TTC7A: variants seen among roughly 807,000 people sequenced by gnomAD.
The protein encoded by TTC7A is tetratricopeptide repeat protein 7A.
TTC7A carries 110 observed loss-of-function variants against 103.7 expected under a neutral mutation model. That is an observed-to-expected ratio of 1.06 (90% CI 0.91 to 1.24). The LOEUF is 1.24. Ranked by LOEUF, TTC7A falls within the 50% of genes most tolerant of loss-of-function variation. The probability of loss-of-function intolerance (pLI) is 0.00; values close to 1 mark genes in which losing one functional copy is unlikely to be tolerated. For missense variants in TTC7A, 1,340 were observed against 1,116.3 expected, an observed-to-expected ratio of 1.20 and a Z score of -2.86; for synonymous variants, 521 against 467.9, an observed-to-expected ratio of 1.11 and a Z score of -1.47.
intron 6 of TTC7A, among the ~76,000 whole-genome samples, chr2:46,993,856 A>C (rs1004749658): frequency 6.6e-6 from 1 of 152,146 alleles, no homozygotes; most frequent in South Asian, 2.1e-4. Context: ...TTATGATCCT[A>C]ATAAACAGCA....
At chr2:47,012,348 G>T (rs1044207190) in intron 11 of TTC7A, among the ~76,000 whole-genome samples, 1 of 152,212 alleles carries the variant, frequency 6.6e-6, no homozygotes, top group African/African-American at 2.4e-5. Flanking sequence ...CCTCCCACAT[G>T]ATGGATATCA....
chr2:47,046,480 G>A (rs1046090386), intron 16 of TTC7A, 49 bp downstream of exon 16: 13 of 1,487,404 alleles, frequency 8.7e-6, no homozygotes, highest in African/African-American at 2.8e-5. Context: ...GGTTGCCAGG[G>A]CAACAATCCA....
intron 15 of TTC7A, among the ~76,000 whole-genome samples, chr2:47,036,259 A>G (rs1681093379): frequency 6.6e-6 from 1 of 152,222 alleles, no homozygotes; most frequent in South Asian, 2.1e-4. Flanking sequence ...TCACCAGGTC[A>G]GGGACAGTCT....
chr2:47,053,356 A>G (rs980047201), intron 18 of TTC7A, among the ~76,000 whole-genome samples: 1 of 152,112 alleles, frequency 6.6e-6, no homozygotes, highest in Admixed American at 6.5e-5. Flanking sequence ...AAGGGGCCGC[A>G]TGGAGCCCCA....
At chr2:46,970,885 G>A (rs531843859) in intron 3 of TTC7A, among the ~76,000 whole-genome samples, 1 of 152,232 alleles carries the variant, frequency 6.6e-6, no homozygotes, top group Non-Finnish European at 1.5e-5. Context: ...TGTTGAGCAA[G>A]GACCTTCATG....
At chr2:46,973,827 G>A (rs918146431) in intron 3 of TTC7A, among the ~76,000 whole-genome samples, 1 of 152,152 alleles carries the variant, frequency 6.6e-6, no homozygotes, top group East Asian at 1.9e-4. Context: ...CAAGGTTGCC[G>A]GCTTCTTCAG....
chr2:46,990,043 C>T (rs563663698), intron 5 of TTC7A, among the ~76,000 whole-genome samples: 1 of 152,308 alleles, frequency 6.6e-6, no homozygotes, highest in East Asian at 1.9e-4. Flanking sequence ...GTAGCAGGTG[C>T]CAGGACCTGC....
chr2:46,996,934 C>T (rs1676251814), intron 8 of TTC7A, among the ~76,000 whole-genome samples: 2 of 152,114 alleles, frequency 1.3e-5, no homozygotes, highest in African/African-American at 4.8e-5. Flanking sequence ...CTGGAATCAT[C>T]TGTCTGGAAA....
At position 46,941,605 on chromosome 2, in the gene TTC7A, G is replaced by A. The variant is rs370846366; in HGVS notation, c.64G>A (p.Ala22Thr). 9 of 1,556,642 alleles carry A rather than the reference G, an allele frequency of 5.8e-6. No homozygotes were observed. Among genetic ancestry groups the A allele is most frequent in the Non-Finnish European group, 7.8e-6 (9 of 1,150,802 alleles). Residue 22 changes from alanine to threonine, a missense_variant, in exon 1 of 20, where the codon GCC becomes ACC. Physicochemically the swap from Ala to Thr is moderately conservative, Grantham distance 58 (BLOSUM62 0). Coordinates refer to ENST00000319190, the MANE Select transcript of TTC7A (RefSeq NM_020458.4). The surrounding 1 kb of genome is among the most constrained non-coding windows in gnomAD (Gnocchi z 4.2). Reference protein sequence around the residue: ...KVESELERCRAEGHWDRMPEL... With the variant: ...KVESELERCRTEGHWDRMPEL... ...GGAGAGCGAGCTGGAGCGCTGCCGC[G>A]CCGAGGGCCACTGGGACCGCATGCC... is the stretch of plus-strand genomic sequence containing the variant.
chr2:47,041,582 A>G (rs537693048), intron 15 of TTC7A, among the ~76,000 whole-genome samples: 1 of 152,266 alleles, frequency 6.6e-6, no homozygotes, highest in Non-Finnish European at 1.5e-5. Flanking sequence ...CAGAAACTCC[A>G]TCTCTACTAA....
rs1205628179 is a variant in TTC7A, at chr2:47,007,093, C to T, written c.1287+369C>T. ...ACGTGGGCTGTAGTTCTCATCCTGT[C>T]CACTGAGCATAGCATCAGGAAATGG... On this transcript the variant is annotated intron_variant, in intron 10 of 19. Transcript: ENST00000319190. This position sits in a 1 kb window ranked among gnomAD's most constrained non-coding sequence, Gnocchi z 4.9. Among the ~76,000 whole-genome samples the T allele has an allele frequency of 1.3e-5, 2 of 152,122 alleles. No individual in the cohort carries two copies. The highest frequency in any genetic ancestry group is 2.9e-5 in the Non-Finnish European group (2 of 68,034).
chr2:47,050,129 C>T lies in TTC7A; in HGVS notation c.2017+83C>T, dbSNP rs868823447. On this transcript the variant is annotated intron_variant, in intron 17 of 19. Coordinates refer to ENST00000319190, the MANE Select transcript of TTC7A (RefSeq NM_020458.4). The stretch of plus-strand genomic sequence containing the variant: ...TTGAGAGCACCAACACAGAGAGGGG[C>T]CGGGCCCTCTCCCAGCCGGGCCAAG... 13 of 1,213,540 alleles carry T rather than the reference C, an allele frequency of 1.1e-5. No homozygotes were observed. The African/African-American group carries it at 1.8e-4, about 17-fold the overall frequency. 75.2% of individuals were successfully genotyped at this position (1,213,540 alleles called of 1,614,324 possible).
chr2:46,966,907 T>G (rs1672906394), intron 3 of TTC7A, among the ~76,000 whole-genome samples: 1 of 151,396 alleles, frequency 6.6e-6, no homozygotes, highest in Non-Finnish European at 1.5e-5. Flanking sequence ...TTTGTTTTTT[T>G]TTTTTCCGTT....
At chr2:46,946,620 C>T (rs1036588287) in intron 1 of TTC7A, among the ~76,000 whole-genome samples, 2 of 152,100 alleles carry the variant, frequency 1.3e-5, no homozygotes, top group African/African-American at 4.8e-5. Context: ...CAGAGTCTCA[C>T]TATGTTGACC....
intron 3 of TTC7A, chr2:46,958,664 C>G: frequency 1.4e-6 from 1 of 689,920 alleles, no homozygotes; most frequent in Non-Finnish European, 2.2e-6. Flanking sequence ...TCTGCCTGTC[C>G]TCCTCCCTGT....
intron 3 of TTC7A, among the ~76,000 whole-genome samples, chr2:46,963,228 A>C (rs1432243248): frequency 1.3e-5 from 2 of 151,990 alleles, no homozygotes; most frequent in East Asian, 1.9e-4. Context: ...AGAATTTTCA[A>C]CTCCATTTAT....
chr2:46,960,167 C>T (rs1381735708), intron 3 of TTC7A, among the ~76,000 whole-genome samples: 4 of 152,122 alleles, frequency 2.6e-5, no homozygotes, highest in Non-Finnish European at 5.9e-5. Flanking sequence ...GGGCTGGGCC[C>T]TGCTGGAGGC....
At chr2:46,925,545 G>A (rs1374553155) in intron 2 of TTC7A, among the ~76,000 whole-genome samples, 1 of 151,980 alleles carries the variant, frequency 6.6e-6, no homozygotes, top group East Asian at 1.9e-4. Flanking sequence ...GCAACAAAGT[G>A]TCTCAATAAA....
At chr2:46,938,961 A>C (rs1670114340), upstream of TTC7A, among the ~76,000 whole-genome samples, 1 of 150,646 alleles carries the variant, frequency 6.6e-6, no homozygotes, top group East Asian at 2.0e-4. Context: ...TTGTGAGCTG[A>C]GATCGTGCCA....
Sources: allele counts gnomAD v4.1 joint callset (sites outside exome capture counted in the v4.1 genomes callset), GRCh38; gene constraint gnomAD v4.1.1; non-coding constraint Gnocchi (gnomAD v3.1); transcripts MANE v1.5; gene names NCBI Gene and HGNC (gene_info 2026-07-23, HGNC 2026-07-21).